ALG13: variants seen among roughly 807,000 people sequenced by gnomAD.
ALG13 encodes the protein UDP-N-acetylglucosamine transferase subunit ALG13.
Under a neutral mutation model 87.8 loss-of-function variants are expected in ALG13, and 11 were observed. That is an observed-to-expected ratio of 0.13 (90% CI 0.08 to 0.21). The LOEUF (loss-of-function observed/expected upper bound fraction) is 0.21. Ranked by LOEUF, ALG13 falls within the 10% of genes least tolerant of loss-of-function variation. The probability of loss-of-function intolerance (pLI) is 1.00; values close to 1 mark genes in which losing one functional copy is unlikely to be tolerated. For missense variants in ALG13, 756 were observed against 866.1 expected (o/e 0.87, Z 1.60); for synonymous variants, 320 against 306.3 (o/e 1.04, Z -0.47).
chrX:111,738,708 C>G (rs1943468778), intron 23 of ALG13, among the ~76,000 whole-genome samples: 1 of 110,282 alleles, frequency 9.1e-6, no homozygotes, highest in Non-Finnish European at 1.9e-5. Flanking sequence ...CGGCTAATTA[C>G]TGTGTTTTTG....
intron 3 of ALG13, chrX:111,687,951 C>G (rs1206030503): frequency 8.5e-7 from 1 of 1,174,356 alleles, no homozygotes; most frequent in Non-Finnish European, 1.1e-6. Context: ...TCCTGGCCAG[C>G]CAGAAAAATT....
At chrX:111,689,637 A>T (rs1935781839) in intron 3 of ALG13, 1 of 741,467 alleles carries the variant, frequency 1.3e-6, no homozygotes, top group Admixed American at 8.8e-5. Flanking sequence ...AATCATTTTG[A>T]TTTGGCACGG....
chrX:111,736,789 G>A lies in ALG13; in HGVS notation c.2605G>A (p.Ala869Thr), dbSNP rs1202237862. The change falls in exon 23 of 27, where the codon GCG (alanine) becomes ACG (threonine). Residue 869 changes from alanine (A) to threonine (T), a missense_variant. Ala to Thr is a moderately conservative substitution (Grantham distance 58, BLOSUM62 0). Transcript: ENST00000394780. ...VPAPVLSNGA[A>T]ANQAISTTSV... ...AGCTCCAGTCTTATCTAACGGTGCA[G>A]CGGCTAATCAAGCTATTAGTACCAC... 8.3e-7 allele frequency: 1 copy of A among 1,208,729 alleles called. No homozygotes were observed. The highest frequency in any genetic ancestry group is 1.1e-6 in the Non-Finnish European group (1 of 894,403).
chrX:111,708,346 C>A lies in ALG13; in HGVS notation c.703C>A (p.Leu235Met). The A allele has an allele frequency of 1.7e-6, 2 of 1,211,761 alleles. No individual in the cohort carries two copies. The highest frequency in any genetic ancestry group is 2.2e-6 in the Non-Finnish European group (2 of 895,319). The change falls in exon 4 of 27, where the codon CTG becomes ATG. Residue 235 changes from leucine (L) to methionine (M), a missense_variant. By Grantham distance (15) the Leu-to-Met change is conservative (BLOSUM62 2). Transcript: ENST00000394780. Reference protein sequence around the residue: ...YLGSLGLFRKLTAKDASCLFR... With the variant: ...YLGSLGLFRKMTAKDASCLFR... ...AGGCAGCTTAGGGCTGTTTCGAAAG[C>A]TGACTGCCAAGGATGCCTCTTGCCT... is the stretch of plus-strand genomic sequence containing the variant.
intron 25 of ALG13, among the ~76,000 whole-genome samples, chrX:111,754,531 A>G (rs899350608): frequency 6.2e-5 from 7 of 112,170 alleles, no homozygotes; most frequent in Non-Finnish European, 1.3e-4. Flanking sequence ...TAAAAACCCC[A>G]TTGTCTCAGC....
At chrX:111,706,281 G>C (rs1938748546) in intron 3 of ALG13, among the ~76,000 whole-genome samples, 1 of 112,307 alleles carries the variant, frequency 8.9e-6, no homozygotes. Context: ...TGCCTGCCTT[G>C]GCCTCCCAAA....
chrX:111,705,529 TGCCTAACCCAGGATCTTAAAG>T (rs1938590533), intron 3 of ALG13, among the ~76,000 whole-genome samples: 1 of 111,740 alleles, frequency 8.9e-6, no homozygotes, highest in African/African-American at 3.2e-5. Context: ...GAGAACTCAC[TGCCTAACCCAGGATCTTAAAG>T]ATTTTCTCCT....
At chrX:111,692,888 A>C (rs2147820337) in intron 3 of ALG13, among the ~76,000 whole-genome samples, 1 of 110,346 alleles carries the variant, frequency 9.1e-6, no homozygotes, top group East Asian at 2.9e-4. Context: ...TCCCCTGGTC[A>C]AGTGACCCTC....
In ALG13 at chrX:111,699,119, C is replaced by T. The variant is rs1048795596; in HGVS notation, c.384-8908C>T. On this transcript the variant is annotated intron_variant, in intron 3 of 26. Transcript: ENST00000394780. ...TTCTCTAATGATTAGTGATGCTGAG[C>T]ATTTTTTCATGTACTTGTTTGCCAT... Among the ~76,000 whole-genome samples, 6 of 112,051 alleles carry T rather than the reference C, an allele frequency of 5.4e-5. No homozygotes were observed. In the Admixed American group the frequency reaches 5.7e-4, roughly 11 times the overall value.
At chrX:111,720,793 TG>T (rs1941310383) in intron 11 of ALG13, among the ~76,000 whole-genome samples, 5 of 110,988 alleles carry the variant, frequency 4.5e-5, no homozygotes, top group African/African-American at 1.6e-4. Context: ...TCCAGGTGAT[TG>T]TAGAGTACAG....
intron 3 of ALG13, chrX:111,687,824 G>A: frequency 2.0e-6 from 2 of 1,012,805 alleles, no homozygotes; most frequent in Non-Finnish European, 1.3e-6. Context: ...GTCATCAGTG[G>A]GCAGCAGATG....
In ALG13 at chrX:111,759,744, G is replaced by A. The variant is rs1556539037; in HGVS notation, c.3159G>A (p.Pro1053=). The change falls in exon 27 of 27, where the codon CCG becomes CCA. Residue 1053 remains proline, a synonymous_variant. Transcript: ENST00000394780. ...QAEASANDTF[P]NADSSSVPHG... ...CATCCTTTCTTTCAGATACTTTTCC[G>A]AATGCTGATTCTTCATCTGTCCCTC... is the stretch of plus-strand genomic sequence containing the variant. 4.2e-6 allele frequency: 5 copies of A among 1,201,966 alleles called. No homozygotes were observed. The highest frequency in any genetic ancestry group is 5.6e-6 in the Non-Finnish European group (5 of 890,627).
intron 3 of ALG13, among the ~76,000 whole-genome samples, chrX:111,698,077 G>C (rs773005663): frequency 1.8e-5 from 2 of 112,154 alleles, no homozygotes; most frequent in Non-Finnish European, 3.8e-5. Context: ...AACAGCAGTT[G>C]TATGTCCTAT....
intron 24 of ALG13, among the ~76,000 whole-genome samples, chrX:111,749,391 T>C (rs1944516028): frequency 9.0e-6 from 1 of 110,877 alleles, no homozygotes; most frequent in African/African-American, 3.3e-5. Context: ...TGCCCTCTTT[T>C]GTTGCATTGA....
intron 2 of ALG13, among the ~76,000 whole-genome samples, chrX:111,682,856 A>G (rs768822060): frequency 1.2e-4 from 14 of 112,155 alleles, no homozygotes; most frequent in Middle Eastern, 4.6e-3. Context: ...GTCAAAAATA[A>G]TAACAGCTAC....
At chrX:111,742,776 G>A (rs1301751221) in intron 23 of ALG13, among the ~76,000 whole-genome samples, 1 of 112,821 alleles carries the variant, frequency 8.9e-6, no homozygotes, top group African/African-American at 3.2e-5. Context: ...GTATCTTATT[G>A]TATATATTTA....
chrX:111,733,288 C>G (rs1044507191), intron 21 of ALG13, among the ~76,000 whole-genome samples: 1 of 110,945 alleles, frequency 9.0e-6, no homozygotes, highest in African/African-American at 3.3e-5. Context: ...CCCTCACCCC[C>G]TTCCCACCAT....
chrX:111,720,275 G>A (rs1941239986), intron 11 of ALG13, 105 bp downstream of exon 11: 2 of 464,854 alleles, frequency 4.3e-6, no homozygotes, highest in African/African-American at 4.9e-5. Context: ...TGGGTTGAGG[G>A]AGGAGTTGGT....
intron 23 of ALG13, among the ~76,000 whole-genome samples, chrX:111,744,398 A>G (rs1393006944): frequency 1.8e-5 from 2 of 111,928 alleles, no homozygotes; most frequent in African/African-American, 6.5e-5. Flanking sequence ...CTAAATGTTC[A>G]AAGTCTGATA....
Sources: gnomAD v4.1 joint callset for allele counts (sites outside exome capture counted in the v4.1 genomes callset) on GRCh38, gnomAD v4.1.1 for gene constraint, MANE v1.5 for transcripts, NCBI Gene and HGNC (gene_info 2026-07-23, HGNC 2026-07-21) for gene names.